The following CSMD1 variants were observed in gnomAD, a reference collection of about 807,000 sequenced individuals.
The protein encoded by CSMD1 is CUB and sushi domain-containing protein 1.
CSMD1 carries 213 observed loss-of-function variants against 417.5 expected under a neutral mutation model. The observed-to-expected ratio is 0.51, with a 90% CI of 0.46 to 0.57. The LOEUF (loss-of-function observed/expected upper bound fraction) is 0.57. Ranked by LOEUF, CSMD1 falls within the 20% of genes least tolerant of loss-of-function variation. The probability of loss-of-function intolerance (pLI) is 0.00; values close to 1 mark genes in which losing one functional copy is unlikely to be tolerated. For missense variants in CSMD1, 6,923 were observed against 4,529.7 expected, an observed-to-expected ratio of 1.53 and a Z score of -15.17; for synonymous variants, 2,862 against 1,736.8, an observed-to-expected ratio of 1.65 and a Z score of -16.11.
At chr8:4,083,278 C>T (rs554705783) in intron 3 of CSMD1, among the ~76,000 whole-genome samples, 19 of 152,212 alleles carry the variant, frequency 1.2e-4, no homozygotes, top group South Asian at 2.1e-4. Flanking sequence ...CAGCACCTGT[C>T]GTTTCCTGAC....
At chr8:3,816,979 A>T (rs1171846472) in intron 5 of CSMD1, among the ~76,000 whole-genome samples, 1 of 152,166 alleles carries the variant, frequency 6.6e-6, no homozygotes, top group Non-Finnish European at 1.5e-5. Flanking sequence ...ATAAATGATT[A>T]AACAGGTTCG....
At position 3,289,334 on chromosome 8, in the gene CSMD1, A is replaced by G. The variant is rs540357345; in HGVS notation, c.3951-4988T>C. 5.1e-3 allele frequency among the ~76,000 whole-genome samples: 752 copies of G among 147,456 alleles called. 126 individuals carry two copies. The highest frequency in any genetic ancestry group is 0.019 in the African/African-American group (702 of 37,178). ...CAGCATGATTTATAATCCTTTGGGT[A>G]TATACCCAGTAATGGGATGGCTGGG... On this transcript the variant is annotated intron_variant, in intron 25 of 69. Coordinates refer to ENST00000635120, the MANE Select transcript of CSMD1 (RefSeq NM_033225.6).
intron 8 of CSMD1, among the ~76,000 whole-genome samples, chr8:3,615,232 G>T (rs1802077311): frequency 6.6e-6 from 1 of 152,074 alleles, no homozygotes; most frequent in Non-Finnish European, 1.5e-5. Context: ...GCCATTTATT[G>T]ACAGACAGCA....
At chr8:4,814,809 T>A (rs931907410) in intron 1 of CSMD1, among the ~76,000 whole-genome samples, 1 of 152,156 alleles carries the variant, frequency 6.6e-6, no homozygotes, top group Non-Finnish European at 1.5e-5. Context: ...TAGCTTACTG[T>A]AATAAGGTAC....
chr8:4,928,446 C>G (rs556719952), intron 1 of CSMD1, among the ~76,000 whole-genome samples: 60 of 152,240 alleles, frequency 3.9e-4, no homozygotes, highest in African/African-American at 1.3e-3. Context: ...AACATTGTTC[C>G]AAGTGCACCA....
At chr8:4,421,423 A>C (rs377634406) in intron 2 of CSMD1, among the ~76,000 whole-genome samples, 2 of 152,114 alleles carry the variant, frequency 1.3e-5, no homozygotes, top group South Asian at 2.1e-4. Context: ...AAGATAAACC[A>C]TATTCGAGGC....
intron 5 of CSMD1, among the ~76,000 whole-genome samples, chr8:3,895,679 TCC>T (rs1339376219): frequency 6.6e-6 from 1 of 152,224 alleles, no homozygotes; most frequent in Admixed American, 6.5e-5. Flanking sequence ...ATATTTATAA[TCC>T]AAGTATTTGT....
intron 5 of CSMD1, among the ~76,000 whole-genome samples, chr8:3,929,767 T>G (rs566293667): frequency 2.0e-5 from 3 of 149,594 alleles, no homozygotes; most frequent in Non-Finnish European, 4.5e-5. Context: ...ATACAAGCAA[T>G]TCTCCTGTCT....
intron 3 of CSMD1, among the ~76,000 whole-genome samples, chr8:4,324,617 T>C (rs551100595): frequency 6.6e-6 from 1 of 152,222 alleles, no homozygotes; most frequent in South Asian, 2.1e-4. Context: ...TGGCCATTTA[T>C]GACCTCCCAT....
chr8:3,420,087 A>G (rs1011389418), intron 12 of CSMD1, among the ~76,000 whole-genome samples: 1 of 152,310 alleles, frequency 6.6e-6, no homozygotes, highest in South Asian at 2.1e-4. Flanking sequence ...TATTATTAAC[A>G]TCATCATTGA....
chr8:3,772,394 TAC>T (rs368171256), intron 5 of CSMD1, among the ~76,000 whole-genome samples: 9,051 of 46,022 alleles, frequency 0.2, 3,396 homozygotes, highest in East Asian at 0.27. Flanking sequence ...TATTTATATA[TAC>T]ACATATATAC....
At chr8:4,096,941 A>C (rs975401879) in intron 3 of CSMD1, among the ~76,000 whole-genome samples, 1 of 152,234 alleles carries the variant, frequency 6.6e-6, no homozygotes, top group Admixed American at 6.5e-5. Context: ...CCCCAAAAAC[A>C]AACGCCATTT....
chr8:4,222,729 G>A (rs1318224068), intron 3 of CSMD1, among the ~76,000 whole-genome samples: 1 of 152,026 alleles, frequency 6.6e-6, no homozygotes, highest in African/African-American at 2.4e-5. Flanking sequence ...GATAAAAAGT[G>A]GTCAAACACT....
chr8:4,776,987 G>A (rs542737333), intron 1 of CSMD1, among the ~76,000 whole-genome samples: 27 of 152,146 alleles, frequency 1.8e-4, no homozygotes, highest in African/African-American at 5.1e-4. Flanking sequence ...TCAATTTAGC[G>A]TATTCTTGTA....
At position 4,757,988 on chromosome 8, in the gene CSMD1, A is replaced by G. The variant is rs535232902; in HGVS notation, c.86-120430T>C. Among the ~76,000 whole-genome samples the G allele has an allele frequency of 4.4e-3, 673 of 151,290 alleles. 3 individuals are homozygous for G. Among genetic ancestry groups the G allele is most frequent in the African/African-American group, 0.016 (646 of 41,298 alleles). On this transcript the variant is annotated intron_variant, in intron 1 of 69. Coordinates refer to ENST00000635120, the MANE Select transcript of CSMD1 (RefSeq NM_033225.6). ...AAAAAAAAAAAAAAAAAAGGAAAAGAGAAGAAAGCACCACATTATCCTTGA... is the reference window on the plus strand; with the variant it reads ...AAAAAAAAAAAAAAAAAAGGAAAAGGGAAGAAAGCACCACATTATCCTTGA...
At chr8:4,990,779 C>T (rs1044735886) in intron 1 of CSMD1, among the ~76,000 whole-genome samples, 2 of 151,916 alleles carry the variant, frequency 1.3e-5, no homozygotes, top group African/African-American at 4.8e-5. Flanking sequence ...AGGAGTCTGA[C>T]CTGCAAATTA....
At chr8:4,106,554 A>G (rs1489054369) in intron 3 of CSMD1, among the ~76,000 whole-genome samples, 1 of 152,232 alleles carries the variant, frequency 6.6e-6, no homozygotes, top group African/African-American at 2.4e-5. Flanking sequence ...AAGCCACATT[A>G]AAAAACTAAA....
intron 1 of CSMD1, among the ~76,000 whole-genome samples, chr8:4,781,482 C>G (rs1429956039): frequency 6.6e-6 from 1 of 152,208 alleles, no homozygotes; most frequent in Non-Finnish European, 1.5e-5. Flanking sequence ...AACATAATCT[C>G]AGACACCAGC....
At chr8:4,524,347 C>G (rs1526340) in intron 2 of CSMD1, among the ~76,000 whole-genome samples, 148,577 of 152,202 alleles carry the variant, frequency 0.98, 72,599 homozygotes, top group East Asian at 1. Flanking sequence ...GCAAGAAAAA[C>G]GCAATAGAAA....
Sources: allele counts gnomAD v4.1 joint callset (sites outside exome capture counted in the v4.1 genomes callset), GRCh38; gene constraint gnomAD v4.1.1; transcripts MANE v1.5; gene names NCBI Gene and HGNC (gene_info 2026-07-23, HGNC 2026-07-21).